Variants in VPS33A observed in about 807,000 individuals in gnomAD.
The protein encoded by VPS33A is vacuolar protein sorting-associated protein 33A.
A neutral mutation model predicts 71.8 loss-of-function variants in VPS33A; 32 were observed. The ratio of observed to expected loss-of-function variants is 0.45; its 90% confidence interval spans 0.34 to 0.60. The LOEUF (loss-of-function observed/expected upper bound fraction) is 0.60. VPS33A is among the 20% of genes least tolerant of loss of function. The pLI is 0.02. For missense variants in VPS33A, 625 were observed against 748.5 expected (o/e 0.84, Z 1.92); for synonymous variants, 311 against 292.7 (o/e 1.06, Z -0.64).
chr12:122,264,212 A>G lies in VPS33A; in HGVS notation c.103-13T>C. 1.3e-6 allele frequency: 2 copies of G among 1,524,380 alleles called. No individual in the cohort carries two copies. The highest frequency in any genetic ancestry group is 1.8e-6 in the Non-Finnish European group (2 of 1,119,796). The allele number at this position is 1,524,380 out of a possible 1,614,324, so 94.4% of individuals were successfully genotyped here. On this transcript the variant is annotated splice_polypyrimidine_tract_variant and intron_variant, in intron 1 of 12. Transcript: ENST00000267199. ...CCCAAACTATTGCCTGTAAGAGGGG[A>G]GAAACATTCTCTTATTATAGTTAAT...
chr12:122,244,581 A>C lies in VPS33A; in HGVS notation c.957T>G (p.Ser319=), dbSNP rs897243584. Residue 319 remains serine (S), a synonymous_variant, in exon 7 of 13, where the codon TCT becomes TCG. Coordinates refer to ENST00000267199, the MANE Select transcript of VPS33A (RefSeq NM_022916.6). The part of the protein sequence containing the change: ...SVLSKKAKII[S]AAFEERHNAK... ...AAACTTGCCTCACCTCGAATGCTGC[A>C]GAGATGATCTTTGCTTTCTTGCTGA... is the stretch of plus-strand genomic sequence containing the variant. 3.1e-6 allele frequency: 5 copies of C among 1,605,776 alleles called. No homozygotes were observed. The highest frequency in any genetic ancestry group is 4.3e-6 in the Non-Finnish European group (5 of 1,173,148).
rs774690191 is a variant in VPS33A at position 122,239,918 on chromosome 12, G to A, written c.1124C>T (p.Thr375Ile). The A allele has an allele frequency of 4.3e-6, 7 of 1,613,450 alleles. No homozygotes were observed. The highest frequency in any genetic ancestry group is 4.2e-6 in the Non-Finnish European group (5 of 1,179,826). Residue 375 changes from threonine to isoleucine, a missense_variant, in exon 9 of 13, where the codon ACC becomes ATC. Physicochemically the swap from Thr to Ile is moderately conservative, Grantham distance 89. Coordinates refer to ENST00000267199, the MANE Select transcript of VPS33A (RefSeq NM_022916.6). ...TCCAGACATAAACTCCTGTTCCACGGTTAATTTATCAAAAAAGTCTTCAGA... is the reference window on the plus strand; with the variant it reads ...TCCAGACATAAACTCCTGTTCCACGATTAATTTATCAAAAAAGTCTTCAGA... ...TTSEDFFDKL[T>I]VEQEFMSGID...
At chr12:122,244,440 C>T (rs1248783387) in intron 7 of VPS33A, 129 bp downstream of exon 7, 2 of 755,884 alleles carry the variant, frequency 2.6e-6, no homozygotes, top group Non-Finnish European at 2.0e-6. Flanking sequence ...TCTGCAGTTA[C>T]TGAAGATGAG....
At chr12:122,233,012 T>A (rs1305815583) in intron 11 of VPS33A, 44 bp from the exon 12 acceptor site, 3 of 1,508,532 alleles carry the variant, frequency 2.0e-6, no homozygotes, top group Non-Finnish European at 2.7e-6. Context: ...ATACAGAGAC[T>A]TAGAGCTACC....
intron 4 of VPS33A, among the ~76,000 whole-genome samples, chr12:122,251,773 G>A (rs11057290): frequency 0.076 from 11,599 of 151,812 alleles, 549 homozygotes; most frequent in African/African-American, 0.13. Flanking sequence ...AGGGCCTGTC[G>A]TGGGGTGGGG....
rs746424777 is a variant in VPS33A, at chr12:122,232,343, G to A, written c.1694C>T (p.Ser565Phe). 6.2e-7 allele frequency: 1 copy of A among 1,614,162 alleles called. No homozygotes were observed. Residue 565 changes from serine (S) to phenylalanine (F), a missense_variant, in exon 13 of 13, where the codon TCC (serine) becomes TTC (phenylalanine). Transcript: ENST00000267199. ...TTCTGTACCTCCATCTTCCAACTGG[G>A]AGAGAAATCGCAGGGCAGCAATTTC... Reference protein sequence around the residue: ...FAEIAALRFLSQLEDGGTEYV... With the variant: ...FAEIAALRFLFQLEDGGTEYV...
intron 4 of VPS33A, among the ~76,000 whole-genome samples, chr12:122,259,808 A>G (rs945708584): frequency 6.6e-6 from 1 of 152,040 alleles, no homozygotes; most frequent in African/African-American, 2.4e-5. Context: ...AATCTCCAGA[A>G]TAAGTTCAAA....
intron 6 of VPS33A, among the ~76,000 whole-genome samples, chr12:122,246,055 C>T (rs1206946525): frequency 6.6e-6 from 1 of 152,176 alleles, no homozygotes; most frequent in Non-Finnish European, 1.5e-5. Context: ...TCCTGGAACA[C>T]CCCACATGTG....
chr12:122,249,932 T>C lies in VPS33A; in HGVS notation c.714A>G (p.Thr238=). The part of the protein sequence containing the change: ...LLLDRNVDLL[T]PLATQLTYEG... ...CATATGTCAGCTGAGTGGCAAGAGG[T>C]GTTAATAAATCCACATTCCGATCAA... Residue 238 remains threonine, a synonymous_variant, in exon 6 of 13, where the codon ACA becomes ACG. Coordinates refer to ENST00000267199, the MANE Select transcript of VPS33A (RefSeq NM_022916.6). 6.2e-7 allele frequency: 1 copy of C among 1,614,046 alleles called. No homozygotes were observed. The highest frequency in any genetic ancestry group is 8.5e-7 in the Non-Finnish European group (1 of 1,180,014).
chr12:122,243,662 G>A, intron 7 of VPS33A, among the ~76,000 whole-genome samples: 1 of 152,058 alleles, frequency 6.6e-6, no homozygotes, highest in East Asian at 1.9e-4. Flanking sequence ...ATCAATTAAT[G>A]AACATAATTC....
At chr12:122,233,077 C>CAA (rs765727372) in intron 11 of VPS33A, 109 bp from the exon 12 acceptor site, 44 of 1,203,506 alleles carry the variant, frequency 3.7e-5, no homozygotes, top group Non-Finnish European at 4.7e-5. Context: ...TAAAGATATA[C>CAA]AACCCCCACC....
chr12:122,265,666 G>A (rs1955058313), intron 1 of VPS33A: 3 of 449,230 alleles, frequency 6.7e-6, no homozygotes, highest in Non-Finnish European at 1.4e-5. Context: ...ACAAGACTGA[G>A]GCTCCCCAGT....
rs191106188 is a variant in VPS33A, at chr12:122,237,283, T to G, written c.1302+1304A>C. 2.4e-3 allele frequency among the ~76,000 whole-genome samples: 369 copies of G among 152,290 alleles called. 1 individual carries two copies. Among genetic ancestry groups the G allele is most frequent in the Non-Finnish European group, 4.1e-3 (278 of 68,032 alleles). ...AAGTTCTTTTCCTCCGTGGTATAAC[T>G]GCGGAGTTAAGAACATGGGCGCTAC... On this transcript the variant is annotated intron_variant, in intron 10 of 12. Coordinates refer to ENST00000267199, the MANE Select transcript of VPS33A (RefSeq NM_022916.6).
chr12:122,265,593 T>C, intron 1 of VPS33A: 1 of 343,228 alleles, frequency 2.9e-6, no homozygotes, highest in South Asian at 2.1e-5. Context: ...CCCTATGATG[T>C]AGACTGCTTT....
chr12:122,250,829 T>G, intron 5 of VPS33A, 154 bp downstream of exon 5: 4 of 642,782 alleles, frequency 6.2e-6, no homozygotes, highest in Non-Finnish European at 1.1e-5. Context: ...CTTGGAGGGT[T>G]ATAAGTGCAT....
In VPS33A at chr12:122,250,968, G is replaced by A. The variant is rs781658349; in HGVS notation, c.600+15C>T. On this transcript the variant is annotated intron_variant, in intron 5 of 12. Transcript: ENST00000267199. ...AAGGGCCCTCCTTTACCACCACAAA[G>A]CAGCCGGTTCTCACCCGAGCGCATT... The A allele has an allele frequency of 1.2e-6, 2 of 1,601,220 alleles. No individual in the cohort carries two copies. Among genetic ancestry groups the A allele is most frequent in the Non-Finnish European group, 8.6e-7 (1 of 1,169,464 alleles).
chr12:122,229,672 G>A lies in VPS33A; in HGVS notation c.*2574C>T, dbSNP rs2136116668. ...CAATCCACTCTCCCCAACAATAAAT[G>A]TACCGTTCACATATCCTTTCTCAGT... is the stretch of plus-strand genomic sequence containing the variant. On this transcript the variant is annotated 3_prime_UTR_variant, in exon 13 of 13. Transcript: ENST00000267199. 1 of 152,238 alleles carries A rather than the reference G, an allele frequency of 6.6e-6. No homozygotes were observed. The highest frequency in any genetic ancestry group is 1.9e-4 in the East Asian group (1 of 5,192). The allele number at this position is 152,238 out of a possible 1,614,324, so 9.4% of individuals were successfully genotyped here.
At chr12:122,255,707 C>G (rs1459559940) in intron 4 of VPS33A, among the ~76,000 whole-genome samples, 1 of 35,470 alleles carries the variant, frequency 2.8e-5, no homozygotes, top group African/African-American at 1.3e-4. Flanking sequence ...GACTCCGTCT[C>G]AAAAAAAAAA....
At position 122,237,668 on chromosome 12, in the gene VPS33A, C is replaced by A. The variant is rs531405730; in HGVS notation, c.1302+919G>T. On this transcript the variant is annotated intron_variant, in intron 10 of 12. Coordinates refer to ENST00000267199, the MANE Select transcript of VPS33A (RefSeq NM_022916.6). ...ACGCCATTCTCCTGCCTCAGCCTCC[C>A]GAGTAGCTGGGACTACAGGCGCCCG... is the stretch of plus-strand genomic sequence containing the variant. Among the ~76,000 whole-genome samples, 3 of 137,370 alleles carry A rather than the reference C, an allele frequency of 2.2e-5. No homozygotes were observed. The East Asian group carries it at 6.5e-4, about 30-fold the overall frequency. 90.1% of individuals were successfully genotyped at this position (137,370 alleles called of 152,430 possible). A position where few individuals can be genotyped will look rare whatever the true frequency, so the allele number is the denominator to read the frequency against.
Sources: gnomAD v4.1 joint callset for allele counts (sites outside exome capture counted in the v4.1 genomes callset) on GRCh38, gnomAD v4.1.1 for gene constraint, MANE v1.5 for transcripts, NCBI Gene and HGNC (gene_info 2026-07-23, HGNC 2026-07-21) for gene names.